The following STK40 variants were observed in gnomAD, a reference collection of about 807,000 sequenced individuals.
STK40 encodes serine/threonine kinase 40, also known as serine/threonine-protein kinase 40.
A neutral mutation model predicts 47.9 loss-of-function variants in STK40; 13 were observed. That is an observed-to-expected ratio of 0.27 (90% CI 0.18 to 0.43). The LOEUF (loss-of-function observed/expected upper bound fraction) is 0.43, where lower values mean the gene tolerates loss of function less well. Among genes scored for constraint, STK40 ranks in the 20% least tolerant of loss-of-function variants. The probability of loss-of-function intolerance (pLI) is 1.00; values close to 1 mark genes in which losing one functional copy is unlikely to be tolerated. For synonymous variants in STK40, 225 were observed against 243.2 expected, an observed-to-expected ratio of 0.93 and a Z score of 0.69; for missense variants, 460 against 595.1, an observed-to-expected ratio of 0.77 and a Z score of 2.36.
In STK40 at chr1:36,340,651, C is replaced by G. The variant is rs1257682379; in HGVS notation, c.*1104G>C. On this transcript the variant is annotated 3_prime_UTR_variant, in exon 11 of 11. Transcript: ENST00000373132. ...GGCTCAAAAGGGCAGCAGGGCTGTTCTCAAGCCAGGCAGGCAGGGTCCCCC... is the reference window on the plus strand; with the variant it reads ...GGCTCAAAAGGGCAGCAGGGCTGTTGTCAAGCCAGGCAGGCAGGGTCCCCC... The G allele has an allele frequency of 6.5e-6, 1 of 152,826 alleles. No homozygotes were observed. Among genetic ancestry groups the G allele is most frequent in the Non-Finnish European group, 1.5e-5 (1 of 68,174 alleles). 9.5% of individuals were successfully genotyped at this position (152,826 alleles called of 1,614,324 possible). A position where few individuals can be genotyped will look rare whatever the true frequency, so the allele number is the denominator to read the frequency against.
chr1:36,359,083 G>A (rs542390204), intron 2 of STK40, among the ~76,000 whole-genome samples: 5 of 152,244 alleles, frequency 3.3e-5, no homozygotes, highest in African/African-American at 7.2e-5. Context: ...CTGGGTGCAC[G>A]CTGGAATGTC....
intron 7 of STK40, among the ~76,000 whole-genome samples, chr1:36,347,893 C>T (rs1646718044): frequency 6.6e-6 from 1 of 152,158 alleles, no homozygotes; most frequent in Admixed American, 6.5e-5. Flanking sequence ...CCTTATGATC[C>T]CGCCACAGCC....
chr1:36,382,123 A>C (rs1173610438), intron 1 of STK40, among the ~76,000 whole-genome samples: 1 of 151,824 alleles, frequency 6.6e-6, no homozygotes, highest in Non-Finnish European at 1.5e-5. Flanking sequence ...CAGGTACCAG[A>C]CTAGGGTTGC....
intron 1 of STK40, 29 bp from the exon 2 acceptor site, chr1:36,361,369 CTGAG>C (rs1231935419): frequency 3.7e-6 from 6 of 1,613,118 alleles, no homozygotes; most frequent in Admixed American, 1.7e-5. Flanking sequence ...CCCCTTCTCA[CTGAG>C]TAAGTCAGCG....
At chr1:36,342,064 C>T in intron 10 of STK40, 91 bp from the exon 11 acceptor site, 7 of 1,237,826 alleles carry the variant, frequency 5.7e-6, no homozygotes, top group Non-Finnish European at 8.0e-6. Context: ...TGCTGGCAGC[C>T]TGGCTCCTGC....
At position 36,355,374 on chromosome 1, in the gene STK40, C is replaced by T. The variant is rs1411660578; in HGVS notation, c.402G>A (p.Lys134=). The T allele has an allele frequency of 6.2e-7, 1 of 1,614,068 alleles. No individual in the cohort carries two copies. The highest frequency in any genetic ancestry group is 2.2e-5 in the East Asian group (1 of 44,884). The stretch of plus-strand genomic sequence containing the variant: ...AGTCCAGGACGAGGCAGATGCGCTT[C>T]TTCATCTTCTTAACCATCCGGCTGG... The part of the protein sequence containing the change: ...TESSRMVKKM[K]KRICLVLDCL... The change falls in exon 5 of 11, where the codon AAG becomes AAA. Residue 134 remains lysine, a synonymous_variant. Transcript: ENST00000373132.
intron 1 of STK40, among the ~76,000 whole-genome samples, chr1:36,363,926 A>T (rs754141432): frequency 4.6e-5 from 7 of 151,758 alleles, no homozygotes; most frequent in Admixed American, 1.3e-4. Context: ...CCAAGGAGGG[A>T]AGATCACGAG....
intron 1 of STK40, among the ~76,000 whole-genome samples, chr1:36,379,631 C>T (rs1008227304): frequency 6.1e-4 from 93 of 152,130 alleles, no homozygotes; most frequent in African/African-American, 2.1e-3. Context: ...CTGCCTGCCT[C>T]GGCCTCCTAA....
intron 7 of STK40, among the ~76,000 whole-genome samples, chr1:36,347,381 G>A (rs558782340): frequency 1.3e-5 from 2 of 152,122 alleles, no homozygotes; most frequent in Admixed American, 1.3e-4. Context: ...CAACAGAGTC[G>A]ACAGTGAAAG....
At chr1:36,348,402 T>C (rs1646722592) in intron 7 of STK40, among the ~76,000 whole-genome samples, 1 of 152,206 alleles carries the variant, frequency 6.6e-6, no homozygotes, top group Non-Finnish European at 1.5e-5. Flanking sequence ...CTTAAGATCA[T>C]AGCTCAACTG....
At chr1:36,375,456 G>A (rs1449810519) in intron 1 of STK40, among the ~76,000 whole-genome samples, 9 of 151,306 alleles carry the variant, frequency 5.9e-5, no homozygotes, top group African/African-American at 2.2e-4. Context: ...GCAGTGAGCC[G>A]AGATCATGCC....
intron 1 of STK40, among the ~76,000 whole-genome samples, chr1:36,363,926 AAG>A (rs1302313982): frequency 1.3e-3 from 195 of 151,876 alleles, no homozygotes; most frequent in Non-Finnish European, 2.2e-3. Flanking sequence ...CCAAGGAGGG[AAG>A]ATCACGAGGT....
At chr1:36,358,660 G>A (rs1238546929) in intron 3 of STK40, 77 bp downstream of exon 3, 4 of 1,484,932 alleles carry the variant, frequency 2.7e-6, no homozygotes, top group Non-Finnish European at 2.8e-6. Context: ...ACGCAGGTGT[G>A]AAGGTGGAGG....
At chr1:36,374,070 A>T (rs1008054207) in intron 1 of STK40, among the ~76,000 whole-genome samples, 1 of 152,256 alleles carries the variant, frequency 6.6e-6, no homozygotes, top group Admixed American at 6.5e-5. Context: ...CAGGACTCCA[A>T]TGTGCTGAGC....
At chr1:36,368,673 A>C (rs960227138) in intron 1 of STK40, among the ~76,000 whole-genome samples, 2 of 152,266 alleles carry the variant, frequency 1.3e-5, no homozygotes, top group Admixed American at 1.3e-4. Context: ...AGACAGTTAA[A>C]GAAAAGCTGA....
intron 1 of STK40, among the ~76,000 whole-genome samples, chr1:36,375,893 T>A (rs1343674045): frequency 6.6e-6 from 1 of 151,374 alleles, no homozygotes; most frequent in East Asian, 2.0e-4. Context: ...GTGGTGGTGC[T>A]TGCCTATAAT....
At chr1:36,374,189 G>A (rs995798633) in intron 1 of STK40, among the ~76,000 whole-genome samples, 1 of 152,242 alleles carries the variant, frequency 6.6e-6, no homozygotes, top group African/African-American at 2.4e-5. Flanking sequence ...CCCCACATAA[G>A]GAGACTGCGT....
At position 36,358,280 on chromosome 1, in the gene STK40, G is replaced by T. The variant is rs138605255; in HGVS notation, c.301C>A (p.His101Asn). The change falls in exon 4 of 11, where the codon CAC (histidine) becomes AAC (asparagine). Residue 101 changes from histidine (H) to asparagine (N), a missense_variant. Around this residue, in one of 3 missense-constraint regions of STK40, gnomAD observed 277 missense variants for 358.7 expected, o/e 0.77. Transcript: ENST00000373132. ...HTEYSLLSLL[H>N]TQDGVVHHHG... ...TGGTGCACCACGCCATCCTGCGTGT[G>T]CAGGAGAGACAGCAGTGAGTACTCG... 5.6e-4 allele frequency: 894 copies of T among 1,605,754 alleles called. No individual in the cohort carries two copies. The highest frequency in any genetic ancestry group is 6.9e-4 in the Non-Finnish European group (813 of 1,173,170).
At chr1:36,343,572 A>C in intron 9 of STK40, 124 bp from the exon 10 acceptor site, 2 of 1,045,494 alleles carry the variant, frequency 1.9e-6, no homozygotes, top group Non-Finnish European at 2.7e-6. Context: ...TCTGAGCCTC[A>C]GTTTTCTTAT....
Sources: allele counts gnomAD v4.1 joint callset (sites outside exome capture counted in the v4.1 genomes callset), GRCh38; gene constraint gnomAD v4.1.1; regional missense constraint gnomAD v4.1.1; transcripts MANE v1.5; gene names NCBI Gene and HGNC (gene_info 2026-07-23, HGNC 2026-07-21).